Variants in NTRK3 observed in about 807,000 individuals in gnomAD.
The protein encoded by NTRK3 is neurotrophic receptor tyrosine kinase 3.
In NTRK3, 24 loss-of-function variants were observed where a neutral mutation model predicts 91.7. The observed-to-expected ratio is 0.26, with a 90% CI of 0.19 to 0.37. The LOEUF (loss-of-function observed/expected upper bound fraction) is 0.37, where lower values mean the gene tolerates loss of function less well. NTRK3 is among the 10% of genes least tolerant of loss of function. NTRK3 has a pLI of 1.00. For missense variants in NTRK3, 880 were observed against 1,068.9 expected (o/e 0.82, Z 2.46); for synonymous variants, 483 against 404.0 (o/e 1.20, Z -2.34).
intron 3 of NTRK3, among the ~76,000 whole-genome samples, chr15:88,230,761 A>G (rs2051112590): frequency 6.6e-6 from 1 of 152,130 alleles, no homozygotes; most frequent in Admixed American, 6.5e-5. Context: ...ATAAAGACAA[A>G]GGTAAAATGT....
chr15:88,154,435 G>A (rs760662873), intron 5 of NTRK3, among the ~76,000 whole-genome samples: 5 of 152,194 alleles, frequency 3.3e-5, no homozygotes, highest in Non-Finnish European at 4.4e-5. Flanking sequence ...AACTGCTGCC[G>A]CCCAACATTC....
At chr15:88,188,871 A>C (rs944352652) in intron 3 of NTRK3, among the ~76,000 whole-genome samples, 5 of 152,200 alleles carry the variant, frequency 3.3e-5, no homozygotes, top group African/African-American at 1.2e-4. Flanking sequence ...TCTCCACTGA[A>C]AGTTCCTCTC....
At chr15:88,047,417 C>T (rs2080323914) in intron 13 of NTRK3, among the ~76,000 whole-genome samples, 1 of 151,892 alleles carries the variant, frequency 6.6e-6, no homozygotes, top group Non-Finnish European at 1.5e-5. Flanking sequence ...AGTGAGTTAG[C>T]CCTGGTACCA....
intron 3 of NTRK3, among the ~76,000 whole-genome samples, chr15:88,249,606 A>G (rs1017065845): frequency 1.3e-5 from 2 of 152,094 alleles, no homozygotes; most frequent in South Asian, 4.1e-4. Flanking sequence ...CCAGCTTTGA[A>G]TTCTGGTAAG....
At chr15:87,976,164 G>T (rs1358409062) in intron 14 of NTRK3, among the ~76,000 whole-genome samples, 1 of 152,114 alleles carries the variant, frequency 6.6e-6, no homozygotes, top group Admixed American at 6.5e-5. Context: ...ATGGTCCCCA[G>T]GACAGCCTCA....
chr15:88,137,247 T>C (rs1480250136), intron 7 of NTRK3, among the ~76,000 whole-genome samples, 157 bp downstream of exon 7: 1 of 152,136 alleles, frequency 6.6e-6, no homozygotes, highest in Non-Finnish European at 1.5e-5. Flanking sequence ...AGAAGGGGAA[T>C]GATGAGTCAG....
At chr15:88,242,864 G>T (rs1433732165) in intron 3 of NTRK3, among the ~76,000 whole-genome samples, 1 of 152,242 alleles carries the variant, frequency 6.6e-6, no homozygotes, top group Non-Finnish European at 1.5e-5. Context: ...ACTGTGGGCT[G>T]CACACACCGC....
At chr15:87,943,239 C>T (rs1246784112) in intron 14 of NTRK3, among the ~76,000 whole-genome samples, 1 of 152,048 alleles carries the variant, frequency 6.6e-6, no homozygotes, top group Non-Finnish European at 1.5e-5. Context: ...GGGAAATTAG[C>T]CAGCTGAAGA....
chr15:87,914,813 T>C (rs992369067), intron 17 of NTRK3, among the ~76,000 whole-genome samples: 1 of 152,138 alleles, frequency 6.6e-6, no homozygotes, highest in African/African-American at 2.4e-5. Flanking sequence ...CATGACTCAA[T>C]GGAGGAAGGC....
At chr15:88,091,417 T>C (rs1210853556) in intron 13 of NTRK3, among the ~76,000 whole-genome samples, 1 of 152,210 alleles carries the variant, frequency 6.6e-6, no homozygotes, top group African/African-American at 2.4e-5. Flanking sequence ...CATACTACTT[T>C]TACCTTCACT....
At chr15:87,917,127 T>G (rs2067502698) in intron 17 of NTRK3, among the ~76,000 whole-genome samples, 1 of 152,230 alleles carries the variant, frequency 6.6e-6, no homozygotes, top group Non-Finnish European at 1.5e-5. Flanking sequence ...ATGTCTGTTT[T>G]ATAACATAAA....
intron 14 of NTRK3, among the ~76,000 whole-genome samples, chr15:87,968,099 C>T (rs575558258): frequency 1.5e-4 from 23 of 152,152 alleles, no homozygotes; most frequent in Non-Finnish European, 2.5e-4. Flanking sequence ...TTTTTACTCT[C>T]GTGTCTCGCA....
At chr15:87,872,559 T>C in exon 19 of NTRK3, 1 of 230,276 alleles carries the variant, frequency 4.3e-6, no homozygotes, top group Non-Finnish European at 8.6e-6. Context: ...AGCATGTTGG[T>C]TTTGAACAGG....
At position 87,895,625 on chromosome 15, in the gene NTRK3, C is replaced by A. The variant is rs202150897; in HGVS notation, c.2134-15197G>T. Among the ~76,000 whole-genome samples, 68 of 152,220 alleles carry A rather than the reference C, an allele frequency of 4.5e-4. No homozygotes were observed. The East Asian group carries it at 0.013, about 28-fold the overall frequency. Reference sequence around the variant, plus strand: ...GAGAATCTCCTTCCCCCTTTGTTTTCCTTCCTCTCTTTCCAGATCTGGGAG... The same window carrying A: ...GAGAATCTCCTTCCCCCTTTGTTTTACTTCCTCTCTTTCCAGATCTGGGAG... On this transcript the variant is annotated intron_variant, in intron 17 of 18. Coordinates refer to ENST00000394480, the Ensembl canonical transcript of NTRK3.
chr15:88,013,566 AC>A (rs1567228232), intron 14 of NTRK3, among the ~76,000 whole-genome samples: 1 of 152,268 alleles, frequency 6.6e-6, no homozygotes, highest in Non-Finnish European at 1.5e-5. Flanking sequence ...GCATTAAGTA[AC>A]ATGAAAGCAG....
intron 13 of NTRK3, chr15:88,098,977 C>G: frequency 4.3e-6 from 1 of 232,164 alleles, no homozygotes; most frequent in East Asian, 6.1e-5. Flanking sequence ...ATTTTTTGCC[C>G]AAAGCGAAGG....
chr15:88,256,431 G>T (rs1007307156), exon 2 of NTRK3: 4 of 544,418 alleles, frequency 7.3e-6, no homozygotes, highest in African/African-American at 4.1e-5. Context: ...CTCGGCGATC[G>T]CTGACTCGCC....
chr15:87,961,847 TG>T (rs2072327787), intron 14 of NTRK3, among the ~76,000 whole-genome samples: 1 of 152,264 alleles, frequency 6.6e-6, no homozygotes, highest in African/African-American at 2.4e-5. Flanking sequence ...AGGAAAGCAA[TG>T]AGCAGGTGCT....
chr15:87,913,557 G>T (rs1466589361), intron 17 of NTRK3, among the ~76,000 whole-genome samples: 1 of 152,062 alleles, frequency 6.6e-6, no homozygotes, highest in Non-Finnish European at 1.5e-5. Context: ...TCCACTCTGG[G>T]CAATCACCAG....
Sources: gnomAD v4.1 joint callset for allele counts (sites outside exome capture counted in the v4.1 genomes callset) on GRCh38, gnomAD v4.1.1 for gene constraint, MANE v1.5 for transcripts, NCBI Gene and HGNC (gene_info 2026-07-23, HGNC 2026-07-21) for gene names.